SEC22A: variants seen among roughly 807,000 people sequenced by gnomAD.
The protein encoded by SEC22A is SEC22 homolog A, vesicle trafficking protein, also known as vesicle-trafficking protein SEC22a.
In SEC22A, 22 loss-of-function variants were observed where a neutral mutation model predicts 35.3. That is an observed-to-expected ratio of 0.62 (90% confidence interval 0.45 to 0.89). The LOEUF (loss-of-function observed/expected upper bound fraction) is 0.89, where lower values mean the gene tolerates loss of function less well. Among genes scored for constraint, SEC22A ranks in the 40% least tolerant of loss-of-function variants. SEC22A has a pLI of 0.00. For missense variants in SEC22A, 354 were observed against 362.5 expected, an observed-to-expected ratio of 0.98 and a Z score of 0.19; for synonymous variants, 119 against 129.5, an observed-to-expected ratio of 0.92 and a Z score of 0.55.
intron 4 of SEC22A, among the ~76,000 whole-genome samples, chr3:123,240,302 T>G (rs1045604356): frequency 1.3e-5 from 2 of 152,226 alleles, no homozygotes; most frequent in African/African-American, 4.8e-5. Flanking sequence ...GTGTCCCTTT[T>G]CAGTCAATTT....
In SEC22A at chr3:123,271,587, C is replaced by A. The variant is rs1262481244; in HGVS notation, c.789C>A (p.Ile263=). Residue 263 remains isoleucine (I), a synonymous_variant, in exon 7 of 7, where the codon ATC becomes ATA. Coordinates refer to ENST00000492595, the MANE Select transcript of SEC22A (RefSeq NM_012430.5). ...AATCTTTTTTGACTTTTGGCTTAAT[C>A]TGTCTATGCAACATGTATCTCTATG... ...NVKSFLTFGL[I]CLCNMYLYEL... is the part of the protein sequence containing the mutation. 1 of 1,614,176 alleles carries A rather than the reference C, an allele frequency of 6.2e-7. No individual in the cohort carries two copies. The highest frequency in any genetic ancestry group is 8.5e-7 in the Non-Finnish European group (1 of 1,180,006).
intron 6 of SEC22A, among the ~76,000 whole-genome samples, chr3:123,270,805 C>T (rs1440071379): frequency 6.6e-6 from 1 of 152,180 alleles, no homozygotes; most frequent in Admixed American, 6.5e-5. Context: ...ATAGCACCCA[C>T]TATCATTCTT....
chr3:123,247,113 CA>C (rs1182536422), intron 5 of SEC22A, among the ~76,000 whole-genome samples: 1 of 152,184 alleles, frequency 6.6e-6, no homozygotes, highest in Non-Finnish European at 1.5e-5. Context: ...CATGCCAGAT[CA>C]GATTTATTCC....
chr3:123,248,539 C>A (rs1255131126), intron 5 of SEC22A, among the ~76,000 whole-genome samples: 1 of 152,054 alleles, frequency 6.6e-6, no homozygotes, highest in Admixed American at 6.5e-5. Context: ...TATACAAGAT[C>A]TTTATGAGGA....
At position 123,257,756 on chromosome 3, in the gene SEC22A, C is replaced by T. The variant is rs146971900; in HGVS notation, c.658-1768C>T. ...CTGTAATCCCAGCACTTTGGGAGGC[C>T]GAGGCGGGCAGATCACAAGGTCAGG... On this transcript the variant is annotated intron_variant, in intron 5 of 6. Coordinates refer to ENST00000492595, the MANE Select transcript of SEC22A (RefSeq NM_012430.5). 6.7e-3 allele frequency among the ~76,000 whole-genome samples: 1,015 copies of T among 151,202 alleles called. 8 individuals are homozygous for T. The highest frequency in any genetic ancestry group is 0.02 in the African/African-American group (835 of 41,342).
intron 2 of SEC22A, among the ~76,000 whole-genome samples, chr3:123,216,146 C>T (rs1937018714): frequency 6.6e-6 from 1 of 152,070 alleles, no homozygotes; most frequent in Non-Finnish European, 1.5e-5. Flanking sequence ...TGTGAACTGG[C>T]CTAGGAACCT....
chr3:123,224,790 C>CA (rs201359124), intron 3 of SEC22A, among the ~76,000 whole-genome samples: 5,251 of 144,318 alleles, frequency 0.036, 295 homozygotes, highest in African/African-American at 0.12. Flanking sequence ...GACCCTGTCT[C>CA]AAAAAAAAAA....
intron 6 of SEC22A, among the ~76,000 whole-genome samples, chr3:123,261,077 C>T (rs542258983): frequency 4.0e-5 from 6 of 151,584 alleles, no homozygotes; most frequent in Middle Eastern, 3.4e-3. Flanking sequence ...CCTTGTGATC[C>T]GCCCACCTCG....
intron 2 of SEC22A, among the ~76,000 whole-genome samples, chr3:123,210,874 G>A (rs1037167779): frequency 2.6e-5 from 4 of 152,158 alleles, no homozygotes; most frequent in African/African-American, 9.7e-5. Context: ...GTGTACGGAG[G>A]AGAGGCAGAA....
At chr3:123,230,620 T>A (rs1029432014) in intron 4 of SEC22A, among the ~76,000 whole-genome samples, 2 of 141,410 alleles carry the variant, frequency 1.4e-5, no homozygotes, top group African/African-American at 5.4e-5. Context: ...ATGGTAAGCT[T>A]AGAGCAACCA....
At chr3:123,214,028 A>T (rs2108034137) in intron 2 of SEC22A, among the ~76,000 whole-genome samples, 1 of 147,260 alleles carries the variant, frequency 6.8e-6, no homozygotes, top group East Asian at 2.0e-4. Context: ...TACTAAAAAT[A>T]AAAAAAATAA....
intron 1 of SEC22A, among the ~76,000 whole-genome samples, chr3:123,204,475 T>C (rs545351925): frequency 3.3e-5 from 5 of 152,328 alleles, no homozygotes; most frequent in Admixed American, 1.3e-4. Flanking sequence ...ATATACAAAA[T>C]CCACTTACAT....
intron 5 of SEC22A, 110 bp downstream of exon 5, chr3:123,246,124 A>C (rs547541593): frequency 2.6e-4 from 159 of 618,038 alleles, no homozygotes; most frequent in Non-Finnish European, 2.6e-4. Flanking sequence ...GCATACTCAA[A>C]ATCTATGTTT....
chr3:123,245,774 G>A, intron 4 of SEC22A, 125 bp from the exon 5 acceptor site: 1 of 627,114 alleles, frequency 1.6e-6, no homozygotes, highest in Non-Finnish European at 2.9e-6. Context: ...TGAATATATG[G>A]TGTTAAATAA....
chr3:123,248,549 A>G (rs1283906157), intron 5 of SEC22A, among the ~76,000 whole-genome samples: 1 of 152,182 alleles, frequency 6.6e-6, no homozygotes, highest in Non-Finnish European at 1.5e-5. Context: ...CTTTATGAGG[A>G]AAATGATAAA....
intron 1 of SEC22A, among the ~76,000 whole-genome samples, chr3:123,208,005 A>G (rs557738486): frequency 5.3e-5 from 8 of 152,324 alleles, no homozygotes; most frequent in Non-Finnish European, 1.2e-4. Flanking sequence ...AATAATAATA[A>G]CCAATAATAC....
intron 2 of SEC22A, among the ~76,000 whole-genome samples, chr3:123,220,002 A>G (rs998568353): frequency 3.3e-5 from 5 of 152,228 alleles, no homozygotes; most frequent in Admixed American, 6.5e-5. Flanking sequence ...AGAACACACT[A>G]TAGCCTTTTC....
At chr3:123,211,300 A>G (rs1936936546) in intron 2 of SEC22A, among the ~76,000 whole-genome samples, 1 of 152,182 alleles carries the variant, frequency 6.6e-6, no homozygotes, top group African/African-American at 2.4e-5. Flanking sequence ...GAAGTGACCA[A>G]GCTGGATAGG....
chr3:123,273,383 G>C lies in SEC22A; in HGVS notation c.*1661G>C, dbSNP rs917494589. 1 of 152,204 alleles carries C rather than the reference G, an allele frequency of 6.6e-6. No homozygotes were observed. Among genetic ancestry groups the C allele is most frequent in the Non-Finnish European group, 1.5e-5 (1 of 68,036 alleles). 9.4% of individuals were successfully genotyped at this position (152,204 alleles called of 1,614,324 possible). ...AAACAGGAAATAGTAGTTGGCTCCA[G>C]TCTTCTCCTCTAACAAAAGTATGCA... On this transcript the variant is annotated 3_prime_UTR_variant, in exon 7 of 7. Transcript: ENST00000492595.
Sources: gnomAD v4.1 joint callset for allele counts (sites outside exome capture counted in the v4.1 genomes callset) on GRCh38, gnomAD v4.1.1 for gene constraint, MANE v1.5 for transcripts, NCBI Gene and HGNC (gene_info 2026-07-23, HGNC 2026-07-21) for gene names.